CRLF2: variants seen among roughly 807,000 people sequenced by gnomAD.
CRLF2 encodes cytokine receptor-like factor 2.
A neutral mutation model predicts 38.7 loss-of-function variants in CRLF2; 41 were observed. The observed-to-expected ratio is 1.06, with a 90% CI of 0.83 to 1.37. The LOEUF is 1.37. Among genes scored for constraint, CRLF2 ranks in the 40% most tolerant of loss-of-function variants. The pLI is 0.00. For missense variants in CRLF2, 377 were observed against 322.2 expected, an observed-to-expected ratio of 1.17 and a Z score of -1.30; for synonymous variants, 140 against 128.8, an observed-to-expected ratio of 1.09 and a Z score of -0.59.
At chrX:1,209,703 A>G (rs769778284) in intron 1 of CRLF2, among the ~76,000 whole-genome samples, 50 of 152,244 alleles carry the variant, frequency 3.3e-4, no homozygotes, top group Middle Eastern at 3.4e-3. Flanking sequence ...GTATAGATCA[A>G]TCATGTATCC....
At chrX:1,207,705 T>C (rs2086717879) in intron 2 of CRLF2, among the ~76,000 whole-genome samples, 1 of 151,912 alleles carries the variant, frequency 6.6e-6, no homozygotes, top group Non-Finnish European at 1.5e-5. Flanking sequence ...TCGGCCAGGC[T>C]GGAGTGCAAT....
chrX:1,193,440 T>G (rs1360932242), intron 6 of CRLF2, 138 bp from the exon 7 acceptor site: 3 of 393,328 alleles, frequency 7.6e-6, no homozygotes, highest in Non-Finnish European at 9.0e-6. Context: ...CACATGTGTC[T>G]CCTCCCGCTC....
Position 1,198,744 on chromosome X carries a change from C to T in CRLF2, c.484-20G>A, listed in dbSNP as rs1407271894. ...TTTGGACTGGAGAAACATACACACA[C>T]ACACACACACACACACACACACACA... On this transcript the variant is annotated intron_variant, in intron 4 of 7. Transcript: ENST00000400841. The T allele has an allele frequency of 0.047, 45,983 of 984,012 alleles. 3,365 individuals carry two copies. Among genetic ancestry groups the T allele is most frequent in the African/African-American group, 0.23 (13,577 of 59,248 alleles). The allele number at this position is 984,012 out of a possible 1,614,324, so 61.0% of individuals were successfully genotyped here. A position where few individuals can be genotyped will look rare whatever the true frequency, so the allele number is the denominator to read the frequency against.
At chrX:1,212,440 AAAAG>A (rs1249668692) in intron 1 of CRLF2, 112 bp downstream of exon 1, 3 of 623,430 alleles carry the variant, frequency 4.8e-6, no homozygotes, top group Non-Finnish European at 8.1e-6. Context: ...AAAAAAAAAG[AAAAG>A]AAGAAAGAAA....
At chrX:1,193,438 T>A in intron 6 of CRLF2, 136 bp from the exon 7 acceptor site, 1 of 394,834 alleles carries the variant, frequency 2.5e-6, no homozygotes, top group Non-Finnish European at 4.5e-6. Context: ...GACACATGTG[T>A]CTCCTCCCGC....
intron 2 of CRLF2, among the ~76,000 whole-genome samples, chrX:1,207,400 C>G (rs1206823498): frequency 6.6e-6 from 1 of 151,950 alleles, no homozygotes; most frequent in Non-Finnish European, 1.5e-5. Flanking sequence ...GGATTACAGG[C>G]GCACGCCCCC....
chrX:1,192,078 G>A (rs1368209169), intron 7 of CRLF2, among the ~76,000 whole-genome samples: 16 of 149,004 alleles, frequency 1.1e-4, no homozygotes, highest in East Asian at 6.2e-4. Context: ...GGTGGCGGGC[G>A]CCTGTAGTCC....
intron 4 of CRLF2, among the ~76,000 whole-genome samples, chrX:1,200,294 G>T (rs1361657609): frequency 6.8e-6 from 1 of 146,882 alleles, no homozygotes; most frequent in Non-Finnish European, 1.5e-5. Context: ...GTATATATAC[G>T]TGTATATAAG....
chrX:1,203,907 C>A (rs2086649649), intron 3 of CRLF2, among the ~76,000 whole-genome samples: 1 of 151,914 alleles, frequency 6.6e-6, no homozygotes, highest in Non-Finnish European at 1.5e-5. Context: ...GTTTCCCCTA[C>A]CTCTAAAAAA....
intron 1 of CRLF2, among the ~76,000 whole-genome samples, chrX:1,210,383 G>A (rs1480780088): frequency 2.8e-4 from 42 of 152,116 alleles, no homozygotes; most frequent in Non-Finnish European, 1.8e-4. Flanking sequence ...GTGCGATCCC[G>A]GCTCACTGCA....
chrX:1,207,316 C>T (rs1357440683), intron 2 of CRLF2, among the ~76,000 whole-genome samples: 2 of 151,286 alleles, frequency 1.3e-5, no homozygotes, highest in Admixed American at 6.6e-5. Context: ...AGTGCAATGG[C>T]GTGATCTCGG....
At chrX:1,211,291 A>G (rs867815321) in intron 1 of CRLF2, among the ~76,000 whole-genome samples, 10 of 66,656 alleles carry the variant, frequency 1.5e-4, no homozygotes, top group African/African-American at 2.6e-4. Flanking sequence ...ATGGATGGAT[A>G]AGTGGATAAA....
intron 1 of CRLF2, among the ~76,000 whole-genome samples, chrX:1,210,774 A>G (rs187311743): frequency 4.5e-4 from 68 of 152,348 alleles, no homozygotes; most frequent in Middle Eastern, 3.4e-3. Context: ...GATGATAGAA[A>G]TAGTTAGACA....
At chrX:1,197,821 A>AT (rs1481120375) in intron 5 of CRLF2, among the ~76,000 whole-genome samples, 1 of 151,676 alleles carries the variant, frequency 6.6e-6, no homozygotes, top group African/African-American at 2.4e-5. Flanking sequence ...CTAAAAAAAA[A>AT]TAAAAATAAA....
intron 4 of CRLF2, among the ~76,000 whole-genome samples, chrX:1,200,581 G>A (rs1397970935): frequency 2.8e-5 from 3 of 108,442 alleles, no homozygotes; most frequent in African/African-American, 6.2e-5. Context: ...CTGTGTGTGT[G>A]TATATATGTG....
rs2086691990 is a variant in CRLF2 at position 1,206,424 on chromosome X, A to T, written c.349+9T>A. On this transcript the variant is annotated intron_variant, in intron 3 of 7. Transcript: ENST00000400841. ...GAAAAGCATGGTGAGCTGGCTTTACAATACTTACGGTAATAAACCATCCAG... is the reference window on the plus strand; with the variant it reads ...GAAAAGCATGGTGAGCTGGCTTTACTATACTTACGGTAATAAACCATCCAG... 2 of 1,612,568 alleles carry T rather than the reference A, an allele frequency of 1.2e-6. No individual in the cohort carries two copies. Among genetic ancestry groups the T allele is most frequent in the African/African-American group, 2.7e-5 (2 of 74,882 alleles).
chrX:1,204,417 G>A (rs1259215024), intron 3 of CRLF2, among the ~76,000 whole-genome samples: 1 of 151,490 alleles, frequency 6.6e-6, no homozygotes, highest in Non-Finnish European at 1.5e-5. Flanking sequence ...TAATAGAGAT[G>A]GAGTTTCTCC....
At chrX:1,192,691 C>CTT (rs1371518156) in intron 7 of CRLF2, among the ~76,000 whole-genome samples, 1 of 132,588 alleles carries the variant, frequency 7.5e-6, no homozygotes, top group Non-Finnish European at 1.7e-5. Flanking sequence ...TTTTCTCTTT[C>CTT]TTTTTCTTTT....
chrX:1,191,323 TTCTTTCTTTC>T (rs2086372301), intron 7 of CRLF2, among the ~76,000 whole-genome samples, 163 bp from the exon 8 acceptor site: 1 of 119,552 alleles, frequency 8.4e-6, no homozygotes, highest in Non-Finnish European at 1.7e-5. Flanking sequence ...CTTTCTTTCT[TTCTTTCTTTC>T]TTTCTTTCTT....
Sources: allele counts gnomAD v4.1 joint callset (sites outside exome capture counted in the v4.1 genomes callset), GRCh38; gene constraint gnomAD v4.1.1; transcripts MANE v1.5; gene names NCBI Gene and HGNC (gene_info 2026-07-23, HGNC 2026-07-21).